PCDH11X: variants seen among roughly 807,000 people sequenced by gnomAD.
PCDH11X encodes the protein protocadherin-11 X-linked.
A neutral mutation model predicts 53.3 loss-of-function variants in PCDH11X; 18 were observed. The observed-to-expected ratio is 0.34, with a 90% CI of 0.23 to 0.50. PCDH11X has a LOEUF of 0.50. PCDH11X is among the 20% of genes least tolerant of loss of function. The pLI is 0.98. For synonymous variants in PCDH11X, 279 were observed against 393.3 expected (o/e 0.71, Z 3.44); for missense variants, 570 against 1,032.4 (o/e 0.55, Z 6.14).
chrX:91,922,283 C>T (rs1351068795), intron 6 of PCDH11X, among the ~76,000 whole-genome samples: 1 of 111,796 alleles, frequency 8.9e-6, no homozygotes, highest in Non-Finnish European at 1.9e-5. Flanking sequence ...GATTAGGAAA[C>T]TGAAGTCTAG....
chrX:92,245,633 T>C (rs1603228671), intron 7 of PCDH11X, among the ~76,000 whole-genome samples: 2 of 112,022 alleles, frequency 1.8e-5, no homozygotes, highest in African/African-American at 6.5e-5. Flanking sequence ...GGTGAATGAA[T>C]GAGTGGGTTA....
chrX:92,151,555 G>A, intron 6 of PCDH11X, among the ~76,000 whole-genome samples: 1 of 111,165 alleles, frequency 9.0e-6, no homozygotes, highest in Non-Finnish European at 1.9e-5. Flanking sequence ...TTATTGAAAT[G>A]TTTTTTCTCT....
At chrX:92,303,289 A>G (rs1472908312) in intron 8 of PCDH11X, among the ~76,000 whole-genome samples, 1 of 111,176 alleles carries the variant, frequency 9.0e-6, no homozygotes, top group Non-Finnish European at 1.9e-5. Flanking sequence ...TTGGAAGAAG[A>G]GAAGCCAGAA....
chrX:92,012,641 C>T (rs2062712471), intron 6 of PCDH11X, among the ~76,000 whole-genome samples: 1 of 111,452 alleles, frequency 9.0e-6, no homozygotes, highest in African/African-American at 3.3e-5. Flanking sequence ...ATTATAAAAT[C>T]TCCGCCTAAA....
At chrX:91,822,998 T>C (rs1316412679) in intron 4 of PCDH11X, among the ~76,000 whole-genome samples, 2 of 110,091 alleles carry the variant, frequency 1.8e-5, no homozygotes, top group Non-Finnish European at 3.8e-5. Context: ...GTGAGTTTCT[T>C]AATCCTGAGT....
chrX:92,019,194 A>C (rs1316860840), intron 6 of PCDH11X, among the ~76,000 whole-genome samples: 5 of 109,027 alleles, frequency 4.6e-5, no homozygotes, highest in Non-Finnish European at 1.9e-5. Context: ...CGGTGACCCC[A>C]GGAGAACGGG....
At chrX:92,518,187 G>A (rs1199927406) in intron 10 of PCDH11X, among the ~76,000 whole-genome samples, 4 of 111,681 alleles carry the variant, frequency 3.6e-5, no homozygotes, top group African/African-American at 1.3e-4. Flanking sequence ...AATTCTGTGG[G>A]TTTAACTGAA....
chrX:92,484,207 GTA>G (rs1189025747), intron 10 of PCDH11X, among the ~76,000 whole-genome samples: 11 of 68,584 alleles, frequency 1.6e-4, no homozygotes, highest in Middle Eastern at 7.6e-3. Context: ...ATGTATATAT[GTA>G]TATATATGTA....
intron 6 of PCDH11X, among the ~76,000 whole-genome samples, chrX:92,005,091 G>A (rs2062576994): frequency 9.0e-6 from 1 of 111,061 alleles, no homozygotes; most frequent in African/African-American, 3.3e-5. Flanking sequence ...GCCTTTTTAG[G>A]TGAAGTGTTT....
intron 1 of PCDH11X, among the ~76,000 whole-genome samples, chrX:91,793,351 T>C (rs1935622873): frequency 9.2e-6 from 1 of 109,107 alleles, no homozygotes; most frequent in Non-Finnish European, 1.9e-5. Flanking sequence ...ATATATTAAA[T>C]AACAATTTAG....
chrX:92,450,827 A>AAAAC (rs2072763524), intron 9 of PCDH11X, among the ~76,000 whole-genome samples: 4 of 109,560 alleles, frequency 3.7e-5, no homozygotes, highest in Non-Finnish European at 1.9e-5. Context: ...AATGTATTTT[A>AAAAC]AAACAATATC....
intron 10 of PCDH11X, among the ~76,000 whole-genome samples, chrX:92,505,152 C>CTTTTTTTTTTTTTTTTTT (rs58620449): frequency 2.0e-4 from 13 of 64,245 alleles, no homozygotes; most frequent in African/African-American, 2.6e-4. Flanking sequence ...TTTCTTTTTT[C>CTTTTTTTTTTTTTTTTTT]TTTTTTTTTT....
intron 5 of PCDH11X, among the ~76,000 whole-genome samples, chrX:91,837,871 C>T (rs762685216): frequency 2.7e-5 from 3 of 111,528 alleles, no homozygotes; most frequent in South Asian, 7.6e-4. Context: ...GTAGCTAGTG[C>T]TACTAAGGAA....
rs1186462749 is a variant in PCDH11X, at chrX:91,884,016, C to T, written c.3033+4743C>T. 3 of 442,115 alleles carry T rather than the reference C, an allele frequency of 6.8e-6. No homozygotes were observed. In the East Asian group the frequency reaches 6.1e-4, roughly 89 times the overall value. The allele number at this position is 442,115 out of a possible 1,213,427, so 36.4% of individuals were successfully genotyped here. On this transcript the variant is annotated intron_variant, in intron 6 of 10. Coordinates refer to ENST00000682573, the MANE Select transcript of PCDH11X (RefSeq NM_032968.5). The stretch of plus-strand genomic sequence containing the variant: ...ACCAGTCTGGCCAACATGGCGAAAC[C>T]CCGTCTCTTCTGAAAAATACAAAAA...
At chrX:92,088,067 T>A in intron 6 of PCDH11X, among the ~76,000 whole-genome samples, 1 of 106,782 alleles carries the variant, frequency 9.4e-6, no homozygotes, top group East Asian at 2.9e-4. Context: ...GTGTGAGACT[T>A]CCAGTTATAC....
chrX:92,205,654 G>A (rs1215906169), intron 7 of PCDH11X, among the ~76,000 whole-genome samples: 2 of 100,085 alleles, frequency 2.0e-5, no homozygotes, highest in Non-Finnish European at 4.0e-5. Flanking sequence ...AGGCTAGAGT[G>A]CAATGGAATG....
At chrX:92,402,115 G>C (rs970555123) in intron 9 of PCDH11X, among the ~76,000 whole-genome samples, 18 of 111,018 alleles carry the variant, frequency 1.6e-4, no homozygotes, top group Non-Finnish European at 3.2e-4. Flanking sequence ...TCTAGGTTCT[G>C]TCAATAACTC....
At chrX:92,460,664 G>C in intron 9 of PCDH11X, 1 of 932,645 alleles carries the variant, frequency 1.1e-6, no homozygotes, top group African/African-American at 1.9e-5. Flanking sequence ...CCTACAGATG[G>C]TGCAGCTCAT....
At chrX:91,923,252 A>G (rs1163700808) in intron 6 of PCDH11X, among the ~76,000 whole-genome samples, 3 of 94,058 alleles carry the variant, frequency 3.2e-5, no homozygotes, top group Non-Finnish European at 6.3e-5. Flanking sequence ...TGATTGAAGG[A>G]TGCAAAGTAT....
Sources: allele counts gnomAD v4.1 joint callset (sites outside exome capture counted in the v4.1 genomes callset), GRCh38; gene constraint gnomAD v4.1.1; transcripts MANE v1.5; gene names NCBI Gene and HGNC (gene_info 2026-07-23, HGNC 2026-07-21).